ASIC2: variants seen among roughly 807,000 people sequenced by gnomAD.
ASIC2 encodes acid-sensing ion channel 2.
ASIC2 carries 25 observed loss-of-function variants against 57.3 expected under a neutral mutation model. That is an observed-to-expected ratio of 0.44 (90% CI 0.32 to 0.61). ASIC2 has a LOEUF of 0.61. ASIC2 is among the 20% of genes least tolerant of loss of function. The pLI is 0.06. For missense variants in ASIC2, 641 were observed against 738.1 expected, an observed-to-expected ratio of 0.87 and a Z score of 1.52; for synonymous variants, 319 against 307.5, an observed-to-expected ratio of 1.04 and a Z score of -0.39.
At chr17:33,033,870 C>T (rs1206126941) in intron 3 of ASIC2, among the ~76,000 whole-genome samples, 3 of 152,170 alleles carry the variant, frequency 2.0e-5, no homozygotes, top group Non-Finnish European at 4.4e-5. Flanking sequence ...CATAAAAGCC[C>T]TGGGCTCAGC....
intron 1 of ASIC2, among the ~76,000 whole-genome samples, chr17:33,329,764 A>G (rs1907229831): frequency 1.3e-5 from 2 of 151,898 alleles, no homozygotes; most frequent in African/African-American, 2.4e-5. Flanking sequence ...TCGCCTTCAC[A>G]AGGGGGATTG....
intron 2 of ASIC2, among the ~76,000 whole-genome samples, chr17:33,098,872 A>G (rs999006893): frequency 6.6e-6 from 1 of 151,998 alleles, no homozygotes; most frequent in Non-Finnish European, 1.5e-5. Context: ...GCTGTGGGAA[A>G]GTCACTCAAT....
At chr17:33,104,789 G>A (rs2092228792) in intron 2 of ASIC2, among the ~76,000 whole-genome samples, 1 of 152,212 alleles carries the variant, frequency 6.6e-6, no homozygotes, top group Non-Finnish European at 1.5e-5. Context: ...GAATTTAGTG[G>A]AGGGAGCATC....
chr17:33,714,597 TA>T (rs981432038), intron 1 of ASIC2, among the ~76,000 whole-genome samples: 4 of 152,194 alleles, frequency 2.6e-5, no homozygotes, highest in African/African-American at 9.6e-5. Flanking sequence ...AGTAAAAGTT[TA>T]AAAACCATGA....
At chr17:34,084,943 G>A (rs1477963440) in intron 1 of ASIC2, among the ~76,000 whole-genome samples, 1 of 152,220 alleles carries the variant, frequency 6.6e-6, no homozygotes, top group Non-Finnish European at 1.5e-5. Context: ...TTGGGGCTGA[G>A]ACGATGGGGT....
chr17:33,878,004 G>A (rs931290620), intron 1 of ASIC2, among the ~76,000 whole-genome samples: 2 of 152,198 alleles, frequency 1.3e-5, no homozygotes, highest in African/African-American at 4.8e-5. Context: ...ACAGGGTCTG[G>A]AGTGGACCTC....
chr17:33,738,706 G>T (rs1003706273), intron 1 of ASIC2, among the ~76,000 whole-genome samples: 1 of 152,136 alleles, frequency 6.6e-6, no homozygotes, highest in African/African-American at 2.4e-5. Flanking sequence ...CTAGGGTGGG[G>T]ACGTATAGGC....
chr17:33,529,707 A>G (rs759116582), intron 1 of ASIC2: 1 of 152,248 alleles, frequency 6.6e-6, no homozygotes, highest in African/African-American at 2.4e-5. Flanking sequence ...TCTGCAAAGC[A>G]TTTAACACAG....
intron 1 of ASIC2, among the ~76,000 whole-genome samples, chr17:33,507,331 G>C (rs1008965977): frequency 2.6e-5 from 4 of 152,146 alleles, no homozygotes; most frequent in Admixed American, 1.3e-4. Context: ...TGGCCTTATC[G>C]GCAAGCACAC....
rs114370288 is a variant in ASIC2 at position 33,409,733 on chromosome 17, G to C, written c.556-297666C>G. On this transcript the variant is annotated intron_variant, in intron 1 of 9. Coordinates refer to the ASIC2 transcript ENST00000359872. ...GAGCTGGACCATTTGTCTTATGTGT[G>C]GGGGAGGGGTATGAATACAGCTAGA... is the stretch of plus-strand genomic sequence containing the variant. 3.6e-3 allele frequency among the ~76,000 whole-genome samples: 555 copies of C among 152,282 alleles called. 2 individuals are homozygous for C. Among genetic ancestry groups the C allele is most frequent in the African/African-American group, 4.3e-3 (177 of 41,554 alleles).
intron 1 of ASIC2, among the ~76,000 whole-genome samples, chr17:33,371,649 G>T (rs1254568109): frequency 1.3e-5 from 2 of 152,064 alleles, no homozygotes; most frequent in South Asian, 4.1e-4. Context: ...GAATTCAAAC[G>T]ATGTGACATG....
At chr17:33,567,301 A>G (rs1332326155) in intron 1 of ASIC2, among the ~76,000 whole-genome samples, 1 of 152,146 alleles carries the variant, frequency 6.6e-6, no homozygotes, top group Non-Finnish European at 1.5e-5. Flanking sequence ...GGTGAGAACA[A>G]TTCTGGAAAG....
intron 1 of ASIC2, among the ~76,000 whole-genome samples, chr17:33,768,109 C>A (rs1441713695): frequency 1.1e-4 from 16 of 151,864 alleles, no homozygotes; most frequent in African/African-American, 3.9e-4. Flanking sequence ...CCTGGGTTCA[C>A]GCCATTCTCC....
intron 1 of ASIC2, among the ~76,000 whole-genome samples, chr17:33,202,515 G>A (rs929475498): frequency 6.6e-6 from 1 of 152,188 alleles, no homozygotes; most frequent in African/African-American, 2.4e-5. Flanking sequence ...TGGCCAGCAG[G>A]TCAGCACCTC....
At chr17:33,248,139 C>T (rs1908756565) in intron 1 of ASIC2, among the ~76,000 whole-genome samples, 1 of 152,002 alleles carries the variant, frequency 6.6e-6, no homozygotes, top group Admixed American at 6.6e-5. Flanking sequence ...GGACTTGACT[C>T]TCAACTTTCA....
intron 1 of ASIC2, among the ~76,000 whole-genome samples, chr17:33,959,808 A>G (rs1460237869): frequency 6.6e-6 from 1 of 152,224 alleles, no homozygotes; most frequent in Non-Finnish European, 1.5e-5. Flanking sequence ...ACACCTTGAC[A>G]CACATACCCA....
At chr17:33,793,794 A>G (rs113753658) in intron 1 of ASIC2, 19 of 152,268 alleles carry the variant, frequency 1.2e-4, no homozygotes, top group Middle Eastern at 3.4e-3. Flanking sequence ...CTAATAATAT[A>G]CTTCGTCATT....
At chr17:33,136,258 C>T (rs1487776636) in intron 1 of ASIC2, among the ~76,000 whole-genome samples, 2 of 152,154 alleles carry the variant, frequency 1.3e-5, no homozygotes, top group Non-Finnish European at 2.9e-5. Context: ...TACTGAGCAC[C>T]AGACACTGTG....
chr17:33,516,083 C>T (rs528940981), intron 1 of ASIC2, among the ~76,000 whole-genome samples: 14 of 151,820 alleles, frequency 9.2e-5, no homozygotes, highest in African/African-American at 2.4e-4. Flanking sequence ...CCAGCCTGGG[C>T]GACAGAGCAA....
Sources: gnomAD v4.1 joint callset for allele counts (sites outside exome capture counted in the v4.1 genomes callset) on GRCh38, gnomAD v4.1.1 for gene constraint, MANE v1.5 for transcripts, NCBI Gene and HGNC (gene_info 2026-07-23, HGNC 2026-07-21) for gene names.